CFAP20DC: variants seen among roughly 807,000 people sequenced by gnomAD.
The protein encoded by CFAP20DC is CFAP20 domain containing.
In CFAP20DC, 84 loss-of-function variants were observed where a neutral mutation model predicts 101.7. The observed-to-expected ratio is 0.83, with a 90% CI of 0.69 to 0.99. CFAP20DC has a LOEUF of 0.99. CFAP20DC is among the 50% of genes least tolerant of loss of function. The pLI is 0.00. For missense variants in CFAP20DC, 1,007 were observed against 970.3 expected (o/e 1.04, Z -0.50); for synonymous variants, 359 against 351.2 (o/e 1.02, Z -0.25).
intron 4 of CFAP20DC, chr3:59,018,632 T>C (rs1357342600): frequency 6.6e-6 from 1 of 152,088 alleles, no homozygotes. Flanking sequence ...TGACCTGTAC[T>C]TTTCAGCAGT....
At chr3:58,839,885 T>G (rs1011210926) in intron 13 of CFAP20DC, among the ~76,000 whole-genome samples, 14 of 152,330 alleles carry the variant, frequency 9.2e-5, no homozygotes, top group African/African-American at 3.4e-4. Flanking sequence ...TCCATACCAT[T>G]ACCCAAAATT....
In CFAP20DC at chr3:58,868,108, C is replaced by T. The variant is rs28522900; in HGVS notation, c.1016-172G>A. On this transcript the variant is annotated intron_variant, in intron 9 of 16. Coordinates refer to ENST00000482387, the MANE Select transcript of CFAP20DC (RefSeq NM_001394063.1). This position sits in a 1 kb window ranked among gnomAD's most constrained non-coding sequence, Gnocchi z 4.6. ...AGAAAATAGGCATTTATTCCTATTC[C>T]GATATTGGGATCCTATCAGGCTTTC... Among the ~76,000 whole-genome samples, 1,640 of 152,000 alleles carry T rather than the reference C, an allele frequency of 0.011. 28 individuals carry two copies. Among genetic ancestry groups the T allele is most frequent in the African/African-American group, 0.038 (1,579 of 41,430 alleles).
intron 13 of CFAP20DC, among the ~76,000 whole-genome samples, chr3:58,845,638 A>T (rs1422886332): frequency 6.6e-6 from 1 of 152,184 alleles, no homozygotes; most frequent in Non-Finnish European, 1.5e-5. Flanking sequence ...ATACAAAAAG[A>T]GGGAATCCTC....
chr3:58,806,124 T>C (rs2074034218), intron 15 of CFAP20DC, among the ~76,000 whole-genome samples: 1 of 152,228 alleles, frequency 6.6e-6, no homozygotes, highest in South Asian at 2.1e-4. Flanking sequence ...CTTTCCAAAA[T>C]ACTATGAAGT....
intron 5 of CFAP20DC, among the ~76,000 whole-genome samples, chr3:58,925,310 A>G (rs932377517): frequency 6.6e-6 from 1 of 152,170 alleles, no homozygotes; most frequent in African/African-American, 2.4e-5. Context: ...ATCATCCCCA[A>G]CATGGCTAGG....
At chr3:58,946,186 G>A (rs1487179248) in intron 4 of CFAP20DC, among the ~76,000 whole-genome samples, 5 of 146,128 alleles carry the variant, frequency 3.4e-5, no homozygotes, top group South Asian at 2.2e-4. Context: ...ACGTGATCTC[G>A]GCTCACTGCA....
chr3:58,950,712 A>G (rs2090003899), intron 4 of CFAP20DC, among the ~76,000 whole-genome samples: 1 of 152,238 alleles, frequency 6.6e-6, no homozygotes, highest in Admixed American at 6.5e-5. Flanking sequence ...AGCCATATGT[A>G]GAAAGCTGAA....
At chr3:58,755,465 T>C (rs1038844227) in intron 15 of CFAP20DC, among the ~76,000 whole-genome samples, 4 of 152,144 alleles carry the variant, frequency 2.6e-5, no homozygotes, top group African/African-American at 9.7e-5. Flanking sequence ...AGAACAAGGA[T>C]GAACAGGAGA....
chr3:58,783,888 G>A (rs2072072086), intron 15 of CFAP20DC, among the ~76,000 whole-genome samples: 1 of 152,058 alleles, frequency 6.6e-6, no homozygotes, highest in Non-Finnish European at 1.5e-5. Context: ...GGGGATACAT[G>A]TGCAGATTTG....
At position 58,991,377 on chromosome 3, in the gene CFAP20DC, CAATA is replaced by C. The variant is rs539974031; in HGVS notation, c.278+48176_278+48179del. ...AAGGCTACATATGAAACAGCATGTT[CAATA>C]AATATTCACTGAATATTAAATATTC... On this transcript the variant is annotated intron_variant, in intron 4 of 16. Transcript: ENST00000482387. Among the ~76,000 whole-genome samples the C allele has an allele frequency of 5.1e-4, 78 of 152,214 alleles. 1 individual carries two copies. Among genetic ancestry groups the C allele is most frequent in the African/African-American group, 1.8e-3 (76 of 41,540 alleles).
At chr3:58,940,965 C>G (rs958955214) in intron 4 of CFAP20DC, among the ~76,000 whole-genome samples, 1 of 151,902 alleles carries the variant, frequency 6.6e-6, no homozygotes, top group African/African-American at 2.4e-5. Flanking sequence ...TTTTAGAAGC[C>G]CTGCACATCT....
chr3:58,990,523 T>C (rs1331311135), intron 4 of CFAP20DC, among the ~76,000 whole-genome samples: 1 of 152,122 alleles, frequency 6.6e-6, no homozygotes, highest in Non-Finnish European at 1.5e-5. Flanking sequence ...TCCTCATCCT[T>C]TGAGTCTCAG....
intron 4 of CFAP20DC, among the ~76,000 whole-genome samples, chr3:58,999,381 G>A (rs2093239171): frequency 6.6e-6 from 1 of 152,166 alleles, no homozygotes; most frequent in Admixed American, 6.5e-5. Context: ...ATAGGGTGGG[G>A]ACAGTGGCAG....
At chr3:58,891,444 AGAG>A (rs2082252122) in intron 6 of CFAP20DC, among the ~76,000 whole-genome samples, 1 of 147,562 alleles carries the variant, frequency 6.8e-6, no homozygotes, top group African/African-American at 2.5e-5. Flanking sequence ...AGGGAGAGGG[AGAG>A]GGAGAGGGAG....
At chr3:58,957,894 T>C (rs1033993860) in intron 4 of CFAP20DC, among the ~76,000 whole-genome samples, 9 of 152,064 alleles carry the variant, frequency 5.9e-5, no homozygotes, top group African/African-American at 1.7e-4. Flanking sequence ...GGTTAATGAT[T>C]ACCAAAAAAA....
At chr3:58,734,200 A>T (rs999108615) in intron 3 of CFAP20DC, among the ~76,000 whole-genome samples, 2 of 152,166 alleles carry the variant, frequency 1.3e-5, no homozygotes, top group Non-Finnish European at 2.9e-5. Flanking sequence ...CCATGATTAT[A>T]AGTTTCATGA....
At chr3:59,037,306 C>A (rs1020670914) in intron 4 of CFAP20DC, among the ~76,000 whole-genome samples, 41 of 152,088 alleles carry the variant, frequency 2.7e-4, no homozygotes, top group South Asian at 4.1e-4. Context: ...TAAAGAGCTT[C>A]TGCACAGCAA....
intron 5 of CFAP20DC, 72 bp downstream of exon 5, chr3:58,937,576 A>G: frequency 1.1e-6 from 1 of 932,440 alleles, no homozygotes; most frequent in South Asian, 1.3e-5. Flanking sequence ...TACCTCACAT[A>G]TGGAGTCAGC....
rs35001935 is a variant in CFAP20DC, at chr3:58,907,094, C to CGTGT, written c.550+6610_550+6613dup. 2.6e-3 allele frequency among the ~76,000 whole-genome samples: 385 copies of CGTGT among 149,228 alleles called. 1 individual carries two copies. The highest frequency in any genetic ancestry group is 8.3e-3 in the African/African-American group (341 of 40,944). ...ATTAAGACCTTCCTACTTTGTGCCTCGTGTGTGTGTGTGTGTGTGTGTATG... is the reference window on the plus strand; with the variant it reads ...ATTAAGACCTTCCTACTTTGTGCCTCGTGTGTGTGTGTGTGTGTGTGTGTGTATG... On this transcript the variant is annotated intron_variant, in intron 6 of 16. Transcript: ENST00000482387.
Sources: gnomAD v4.1 joint callset for allele counts (sites outside exome capture counted in the v4.1 genomes callset) on GRCh38, gnomAD v4.1.1 for gene constraint, Gnocchi (gnomAD v3.1) non-coding constraint, MANE v1.5 for transcripts, NCBI Gene and HGNC (gene_info 2026-07-23, HGNC 2026-07-21) for gene names.